The following PRKN variants were observed in gnomAD, a reference collection of about 807,000 sequenced individuals.
PRKN encodes E3 ubiquitin-protein ligase parkin.
In PRKN, 56 loss-of-function variants were observed where a neutral mutation model predicts 59.5. The observed-to-expected ratio is 0.94, with a 90% CI of 0.76 to 1.18. The LOEUF (loss-of-function observed/expected upper bound fraction) is 1.18, where lower values mean the gene tolerates loss of function less well. Among genes scored for constraint, PRKN ranks in the 50% most tolerant of loss-of-function variants. The pLI, the probability that PRKN is intolerant of heterozygous loss-of-function variation, is 0.00. For synonymous variants in PRKN, 250 were observed against 222.1 expected, an observed-to-expected ratio of 1.13 and a Z score of -1.12; for missense variants, 657 against 596.4, an observed-to-expected ratio of 1.10 and a Z score of -1.06.
Position 161,473,942 on chromosome 6 carries a change from G to A in PRKN, c.1083+74912C>T, listed in dbSNP as rs16892570. 0.11 allele frequency among the ~76,000 whole-genome samples: 16,575 copies of A among 152,084 alleles called. 1,698 individuals carry two copies. Among genetic ancestry groups the A allele is most frequent in the African/African-American group, 0.27 (11,227 of 41,458 alleles). On this transcript the variant is annotated intron_variant, in intron 9 of 11. Coordinates refer to ENST00000366898, the MANE Select transcript of PRKN (RefSeq NM_004562.3). This position sits in a 1 kb window ranked among gnomAD's most constrained non-coding sequence, Gnocchi z 4.1. ...GCATGACTTGTGTATGTAGACTAGC[G>A]GGTTTTCTAATATCAAATTTTATGC...
At chr6:162,607,553 T>TTA (rs530933294) in intron 1 of PRKN, among the ~76,000 whole-genome samples, 3 of 151,686 alleles carry the variant, frequency 2.0e-5, no homozygotes, top group African/African-American at 4.8e-5. Context: ...TTTTTTTTTT[T>TTA]AATGGGGGAA....
chr6:162,519,020 A>G (rs1017240320), intron 1 of PRKN, among the ~76,000 whole-genome samples: 60 of 152,144 alleles, frequency 3.9e-4, no homozygotes, highest in African/African-American at 1.4e-3. Context: ...AAATATAAAA[A>G]TTAACCAGGT....
chr6:161,493,877 T>G (rs1777647202), intron 9 of PRKN, among the ~76,000 whole-genome samples: 1 of 152,178 alleles, frequency 6.6e-6, no homozygotes, highest in African/African-American at 2.4e-5. Flanking sequence ...AAATGCCATC[T>G]GTAAGTGACT....
At chr6:161,648,236 A>C (rs1784028177) in intron 7 of PRKN, among the ~76,000 whole-genome samples, 3 of 152,222 alleles carry the variant, frequency 2.0e-5, no homozygotes, top group African/African-American at 7.2e-5. Flanking sequence ...ATTGTACAGA[A>C]ATGCATTTTC....
At chr6:162,289,475 G>A (rs1781331780) in intron 2 of PRKN, among the ~76,000 whole-genome samples, 1 of 151,832 alleles carries the variant, frequency 6.6e-6, no homozygotes, top group Non-Finnish European at 1.5e-5. Context: ...TGAGGCAGGT[G>A]GATCACTTGA....
intron 9 of PRKN, among the ~76,000 whole-genome samples, chr6:161,415,137 G>A (rs1379973884): frequency 6.6e-6 from 1 of 152,126 alleles, no homozygotes; most frequent in African/African-American, 2.4e-5. Context: ...ACAGAATACA[G>A]AATAACACCG....
At chr6:162,603,790 A>T (rs1305885800) in intron 1 of PRKN, among the ~76,000 whole-genome samples, 1 of 152,136 alleles carries the variant, frequency 6.6e-6, no homozygotes, top group Non-Finnish European at 1.5e-5. Context: ...CGCACGTGCC[A>T]TCCACAGATG....
chr6:162,030,470 C>T (rs1476810585), intron 5 of PRKN, among the ~76,000 whole-genome samples: 1 of 152,224 alleles, frequency 6.6e-6, no homozygotes, highest in African/African-American at 2.4e-5. Context: ...TGCATCTTTG[C>T]ACCTTTGCAG....
intron 6 of PRKN, among the ~76,000 whole-genome samples, chr6:161,913,953 C>T (rs1181167246): frequency 1.3e-5 from 2 of 152,178 alleles, no homozygotes; most frequent in African/African-American, 4.8e-5. Flanking sequence ...AGAGAGCCCT[C>T]ACCAGGTTTC....
At chr6:162,172,783 C>CA (rs1252203207) in intron 4 of PRKN, among the ~76,000 whole-genome samples, 2 of 151,992 alleles carry the variant, frequency 1.3e-5, no homozygotes, top group Non-Finnish European at 2.9e-5. Context: ...TCAGAAAAAC[C>CA]AAAGGAACAA....
intron 7 of PRKN, among the ~76,000 whole-genome samples, chr6:161,680,775 A>ATATATATATT (rs1216235673): frequency 2.6e-4 from 8 of 30,626 alleles, no homozygotes; most frequent in Admixed American, 1.0e-3. Flanking sequence ...ATATATATAT[A>ATATATATATT]TTTTTTTTTT....
At chr6:162,591,745 T>C (rs960924428) in intron 1 of PRKN, among the ~76,000 whole-genome samples, 2 of 152,158 alleles carry the variant, frequency 1.3e-5, no homozygotes, top group East Asian at 1.9e-4. Flanking sequence ...GTTTCTACAA[T>C]GAAGGATAAC....
At chr6:162,518,976 G>A (rs1007301626) in intron 1 of PRKN, among the ~76,000 whole-genome samples, 1 of 151,824 alleles carries the variant, frequency 6.6e-6, no homozygotes, top group Non-Finnish European at 1.5e-5. Context: ...TTACTGGCTC[G>A]GGGGCTCATG....
intron 1 of PRKN, among the ~76,000 whole-genome samples, chr6:162,475,706 CTATT>C (rs10530995): frequency 0.31 from 47,310 of 150,912 alleles, 7,629 homozygotes; most frequent in East Asian, 0.49. Flanking sequence ...CAAAACACCA[CTATT>C]TATTTATTTA....
At chr6:162,447,577 G>C (rs12193416) in intron 1 of PRKN, among the ~76,000 whole-genome samples, 83,707 of 151,910 alleles carry the variant, frequency 0.55, 24,012 homozygotes, top group East Asian at 0.7. Flanking sequence ...AACCAGGGTT[G>C]AGAAGTCCCA....
chr6:161,864,037 G>A (rs1019363923), intron 6 of PRKN, among the ~76,000 whole-genome samples: 3 of 152,204 alleles, frequency 2.0e-5, no homozygotes, highest in Non-Finnish European at 4.4e-5. Flanking sequence ...GCTGATGGCT[G>A]CTGACTGACC....
intron 7 of PRKN, among the ~76,000 whole-genome samples, chr6:161,619,260 G>C (rs1782803717): frequency 8.7e-6 from 1 of 114,462 alleles, no homozygotes; most frequent in African/African-American, 3.4e-5. Flanking sequence ...AAAAAAAAAA[G>C]AGTGACGCAA....
At chr6:161,839,737 G>A (rs1057421120) in intron 6 of PRKN, among the ~76,000 whole-genome samples, 1 of 152,192 alleles carries the variant, frequency 6.6e-6, no homozygotes, top group African/African-American at 2.4e-5. Context: ...TGGATGCTAC[G>A]TGGAGCTACA....
intron 3 of PRKN, among the ~76,000 whole-genome samples, chr6:162,256,891 A>G (rs1779659919): frequency 6.6e-6 from 1 of 152,198 alleles, no homozygotes; most frequent in African/African-American, 2.4e-5. Flanking sequence ...CAAGTACTTT[A>G]CTTAACTTCA....
Sources: gnomAD v4.1 joint callset for allele counts (sites outside exome capture counted in the v4.1 genomes callset) on GRCh38, gnomAD v4.1.1 for gene constraint, Gnocchi (gnomAD v3.1) non-coding constraint, MANE v1.5 for transcripts, NCBI Gene and HGNC (gene_info 2026-07-23, HGNC 2026-07-21) for gene names.